SUGP1: variants seen among roughly 807,000 people sequenced by gnomAD.
The protein encoded by SUGP1 is SURP and G-patch domain-containing protein 1.
SUGP1 carries 34 observed loss-of-function variants against 76.5 expected under a neutral mutation model. That is an observed-to-expected ratio of 0.44 (90% CI 0.34 to 0.59). The LOEUF is 0.59. Ranked by LOEUF, SUGP1 falls within the 20% of genes least tolerant of loss-of-function variation. The pLI is 0.01. For missense variants in SUGP1, 752 were observed against 851.7 expected (o/e 0.88, Z 1.46); for synonymous variants, 326 against 326.2 (o/e 1.00, Z 0.01).
At chr19:19,281,441 C>T (rs1318452719) in intron 8 of SUGP1, 2 of 152,216 alleles carry the variant, frequency 1.3e-5, no homozygotes, top group African/African-American at 4.8e-5. Context: ...CTGGCTACAG[C>T]CCTGGTAAGC....
chr19:19,316,127 C>A (rs2061392374), intron 2 of SUGP1: 1 of 317,228 alleles, frequency 3.2e-6, no homozygotes, highest in African/African-American at 2.2e-5. Flanking sequence ...GGCAGCACAC[C>A]TGAACTCAAG....
chr19:19,317,287 TAAG>T (rs1264689000), intron 1 of SUGP1, among the ~76,000 whole-genome samples: 2 of 151,388 alleles, frequency 1.3e-5, no homozygotes, highest in Non-Finnish European at 1.5e-5. Context: ...AAAAAACAAA[TAAG>T]AAGCCAGCGT....
intron 1 of SUGP1, 90 bp from the exon 2 acceptor site, chr19:19,316,683 A>C (rs2061396507): frequency 7.2e-7 from 1 of 1,387,158 alleles, no homozygotes; most frequent in Non-Finnish European, 9.9e-7. Context: ...ACTGATGTTC[A>C]GATTAATTTA....
intron 3 of SUGP1, 55 bp from the exon 4 acceptor site, chr19:19,306,131 C>A: frequency 6.9e-7 from 1 of 1,445,612 alleles, no homozygotes; most frequent in Middle Eastern, 2.2e-4. Context: ...CCTCTCCCGG[C>A]TTCCGACCTA....
intron 8 of SUGP1, among the ~76,000 whole-genome samples, chr19:19,284,913 G>T (rs1247066980): frequency 6.7e-6 from 1 of 148,300 alleles, no homozygotes; most frequent in South Asian, 2.1e-4. Context: ...TCGCTCTTTC[G>T]CCCAGGCCGG....
chr19:19,303,938 TG>T (rs1408693649), intron 4 of SUGP1, 91 bp from the exon 5 acceptor site: 1 of 1,598,314 alleles, frequency 6.3e-7, no homozygotes, highest in South Asian at 1.1e-5. Context: ...ACAGAGGGGG[TG>T]GGGGGAGAAG....
chr19:19,316,657 G>C, intron 1 of SUGP1, 64 bp from the exon 2 acceptor site: 1 of 1,568,860 alleles, frequency 6.4e-7, no homozygotes, highest in Non-Finnish European at 8.7e-7. Flanking sequence ...AAGAAGCTGT[G>C]ACAGGCCAGA....
At chr19:19,303,636 C>A in intron 5 of SUGP1, 88 bp downstream of exon 5, 1 of 1,532,654 alleles carries the variant, frequency 6.5e-7, no homozygotes, top group South Asian at 1.1e-5. Context: ...AGCATCCGGC[C>A]CACACTAGCA....
chr19:19,316,571 C>A lies in SUGP1; in HGVS notation c.57G>T (p.Gly19=). Residue 19 remains glycine (G), a synonymous_variant, in exon 2 of 14, where the codon GGG becomes GGT. Transcript: ENST00000247001. ...TTTTTCCAGATTTAGGGGGAGCAAC[C>A]CCAAACCACCGGTTAGCCTTTCCTG... The part of the protein sequence containing the change: ...DVAGKANRWF[G]VAPPKSGKMN... 1 of 1,613,902 alleles carries A rather than the reference C, an allele frequency of 6.2e-7. No individual in the cohort carries two copies. The highest frequency in any genetic ancestry group is 2.2e-5 in the East Asian group (1 of 44,864).
intron 8 of SUGP1, among the ~76,000 whole-genome samples, chr19:19,284,838 T>C (rs1428951041): frequency 6.6e-6 from 1 of 151,724 alleles, no homozygotes; most frequent in East Asian, 1.9e-4. Context: ...AAGAAAATCA[T>C]TGAGAAGGAA....
intron 3 of SUGP1, among the ~76,000 whole-genome samples, chr19:19,309,885 C>G (rs1175586261): frequency 6.6e-6 from 1 of 152,212 alleles, no homozygotes; most frequent in Admixed American, 6.5e-5. Flanking sequence ...GCACTCCAGC[C>G]TGGGCCACAG....
intron 2 of SUGP1, among the ~76,000 whole-genome samples, chr19:19,312,830 TA>T (rs1289509440): frequency 4.9e-5 from 7 of 143,084 alleles, no homozygotes; most frequent in Non-Finnish European, 6.2e-5. Context: ...TACTAAAAAT[TA>T]AAAAAAAAAT....
intron 8 of SUGP1, among the ~76,000 whole-genome samples, chr19:19,291,759 T>A (rs1345940844): frequency 6.6e-6 from 1 of 150,400 alleles, no homozygotes; most frequent in Non-Finnish European, 1.5e-5. Context: ...CCAGGCTTGG[T>A]GGCGGCGCCT....
intron 13 of SUGP1, 65 bp downstream of exon 13, chr19:19,276,882 C>T (rs1359610950): frequency 7.5e-6 from 12 of 1,597,758 alleles, no homozygotes; most frequent in Non-Finnish European, 5.1e-6. Context: ...GGAAGGGAGC[C>T]TTCTGTTCCT....
chr19:19,295,088 AG>A (rs2061214915), intron 8 of SUGP1, among the ~76,000 whole-genome samples: 1 of 152,094 alleles, frequency 6.6e-6, no homozygotes, highest in Non-Finnish European at 1.5e-5. Context: ...GCTTGAGCCC[AG>A]GAGTTCGAGA....
Position 19,297,307 on chromosome 19 carries a change from AGTACTT to A in SUGP1, c.919_924del (p.Lys307_Tyr308del). 1 of 1,539,818 alleles carries A rather than the reference AGTACTT, an allele frequency of 6.5e-7. No individual in the cohort carries two copies. The highest frequency in any genetic ancestry group is 2.3e-5 in the East Asian group (1 of 44,010). The stretch of plus-strand genomic sequence containing the variant: ...CGGAACTCCTCCAGCTTCTGTCGGT[AGTACTT>A]GTACCCTTGGCTATTGGGCTCATAC... On this transcript the variant is annotated inframe_deletion, in exon 8 of 14. Transcript: ENST00000247001.
chr19:19,305,355 T>C (rs1206085717), intron 4 of SUGP1, among the ~76,000 whole-genome samples: 1 of 152,138 alleles, frequency 6.6e-6, no homozygotes, highest in Non-Finnish European at 1.5e-5. Context: ...CTGGACAAGC[T>C]CACCCGTGAC....
intron 8 of SUGP1, among the ~76,000 whole-genome samples, chr19:19,288,329 C>T (rs1360380120): frequency 6.6e-6 from 1 of 152,112 alleles, no homozygotes; most frequent in Non-Finnish European, 1.5e-5. Context: ...CACAGCCTGG[C>T]TAATTTTTCC....
intron 4 of SUGP1, 149 bp downstream of exon 4, chr19:19,305,700 G>A (rs997976268): frequency 2.9e-5 from 21 of 733,078 alleles, no homozygotes; most frequent in Admixed American, 2.1e-4. Flanking sequence ...CCTCACCTCA[G>A]AGGGCCTGAG....
Sources: gnomAD v4.1 joint callset for allele counts (sites outside exome capture counted in the v4.1 genomes callset) on GRCh38, gnomAD v4.1.1 for gene constraint, MANE v1.5 for transcripts, NCBI Gene and HGNC (gene_info 2026-07-23, HGNC 2026-07-21) for gene names.